The following TUSC3 variants were observed in gnomAD, a reference collection of about 807,000 sequenced individuals.
TUSC3 encodes the protein dolichyl-diphosphooligosaccharide--protein glycosyltransferase subunit TUSC3.
In TUSC3, 45 loss-of-function variants were observed where a neutral mutation model predicts 44.8. The observed-to-expected ratio is 1.00, with a 90% CI of 0.79 to 1.29. TUSC3 has a LOEUF of 1.29. Ranked by LOEUF, TUSC3 falls within the 50% of genes most tolerant of loss-of-function variation. The probability of loss-of-function intolerance (pLI) is 0.00; values close to 1 mark genes in which losing one functional copy is unlikely to be tolerated. For synonymous variants in TUSC3, 212 were observed against 152.9 expected (o/e 1.39, Z -2.85); for missense variants, 519 against 437.9 (o/e 1.19, Z -1.65).
intron 6 of TUSC3, among the ~76,000 whole-genome samples, chr8:15,715,828 T>C (rs1248223489): frequency 1.3e-5 from 2 of 152,304 alleles, no homozygotes; most frequent in East Asian, 3.9e-4. Flanking sequence ...TTCTCATTTG[T>C]TTTTCCTAAG....
chr8:15,424,860 C>T (rs1227626113), intron 1 of TUSC3, among the ~76,000 whole-genome samples: 1 of 147,874 alleles, frequency 6.8e-6, no homozygotes, highest in East Asian at 2.0e-4. Flanking sequence ...GCCTGGGTGA[C>T]AGAGCGAGAC....
chr8:15,807,680 C>T, the TUSC3 span, among the ~76,000 whole-genome samples: 1 of 152,272 alleles, frequency 6.6e-6, no homozygotes, highest in Non-Finnish European at 1.5e-5. Context: ...CTACTAAACA[C>T]CATACAAAAG....
downstream of TUSC3, among the ~76,000 whole-genome samples, chr8:15,769,724 T>G (rs1047746438): frequency 3.3e-5 from 5 of 150,624 alleles, no homozygotes; most frequent in African/African-American, 1.2e-4. Flanking sequence ...GAACTGAAAT[T>G]TATAAGAGAA....
At chr8:15,809,342 G>A in the TUSC3 span, among the ~76,000 whole-genome samples, 2 of 152,130 alleles carry the variant, frequency 1.3e-5, no homozygotes, top group East Asian at 3.8e-4. Context: ...CTACATGATT[G>A]CTGTTTTTGT....
In TUSC3 at chr8:15,587,627, A is replaced by C. The variant is rs763735760; in HGVS notation, c.139-35453A>C. Among the ~76,000 whole-genome samples, 63 of 152,016 alleles carry C rather than the reference A, an allele frequency of 4.1e-4. 1 individual carries two copies. The highest frequency in any genetic ancestry group is 2.1e-3 in the Admixed American group (32 of 15,250). On this transcript the variant is annotated intron_variant, in intron 1 of 10. Transcript: ENST00000503731. ...GAACATATACAGTAATTTATTGTTAACTGTATTTACCTTACAGTGCTATAG... is the reference window on the plus strand; with the variant it reads ...GAACATATACAGTAATTTATTGTTACCTGTATTTACCTTACAGTGCTATAG...
intron 7 of TUSC3, among the ~76,000 whole-genome samples, chr8:15,731,055 A>G (rs541493994): frequency 1.3e-5 from 2 of 152,168 alleles, no homozygotes; most frequent in South Asian, 4.1e-4. Flanking sequence ...GCAAGAAAAA[A>G]GTGCCTTATG....
At chr8:15,498,645 C>T (rs1421556348) in intron 2 of TUSC3, among the ~76,000 whole-genome samples, 1 of 152,120 alleles carries the variant, frequency 6.6e-6, no homozygotes, top group Non-Finnish European at 1.5e-5. Flanking sequence ...TAGATTTTCC[C>T]CTCTTCTGCC....
intron 7 of TUSC3, chr8:15,733,555 G>C (rs570189832): frequency 4.5e-6 from 1 of 224,618 alleles, no homozygotes; most frequent in Non-Finnish European, 9.1e-6. Flanking sequence ...CTGAGATTTA[G>C]GATTCAAATA....
intron 1 of TUSC3, among the ~76,000 whole-genome samples, chr8:15,472,270 T>A (rs993164497): frequency 1.3e-5 from 2 of 152,184 alleles, no homozygotes; most frequent in Non-Finnish European, 2.9e-5. Context: ...CTCAAATAAT[T>A]TCTGTAATTT....
the TUSC3 span, among the ~76,000 whole-genome samples, chr8:15,832,815 C>T: frequency 6.6e-6 from 1 of 152,240 alleles, no homozygotes; most frequent in East Asian, 1.9e-4. Flanking sequence ...GAGACTTTTA[C>T]TCCCACACAA....
intron 1 of TUSC3, among the ~76,000 whole-genome samples, chr8:15,581,071 T>C (rs1803307470): frequency 7.7e-6 from 1 of 130,540 alleles, no homozygotes; most frequent in South Asian, 2.8e-4. Flanking sequence ...ATTCATTTCA[T>C]CTTCCATCGC....
At chr8:15,728,412 AAGT>A (rs1402663028) in intron 6 of TUSC3, among the ~76,000 whole-genome samples, 1 of 143,704 alleles carries the variant, frequency 7.0e-6, no homozygotes, top group Non-Finnish European at 1.5e-5. Context: ...TGGATTTTGA[AAGT>A]AGAGCCAACA....
intron 1 of TUSC3, among the ~76,000 whole-genome samples, chr8:15,552,175 T>A (rs1802081961): frequency 6.6e-6 from 1 of 151,806 alleles, no homozygotes; most frequent in Non-Finnish European, 1.5e-5. Context: ...CTATTATTGA[T>A]GTAAGCAATA....
intron 7 of TUSC3, among the ~76,000 whole-genome samples, chr8:15,735,625 A>G (rs1338033207): frequency 1.3e-5 from 2 of 152,232 alleles, no homozygotes; most frequent in East Asian, 1.9e-4. Context: ...ACCAAATTAT[A>G]TATTGTGTTT....
At chr8:15,423,340 G>T (rs1289202669) in intron 1 of TUSC3, among the ~76,000 whole-genome samples, 5 of 152,096 alleles carry the variant, frequency 3.3e-5, no homozygotes, top group African/African-American at 1.2e-4. Context: ...TTTAAAGTGA[G>T]TTGGACTATG....
At chr8:15,850,805 T>A in the TUSC3 span, among the ~76,000 whole-genome samples, 4 of 152,208 alleles carry the variant, frequency 2.6e-5, no homozygotes, top group African/African-American at 9.6e-5. Flanking sequence ...CTATATATTG[T>A]GAACAACATA....
At chr8:15,566,690 G>A (rs548753508) in intron 1 of TUSC3, among the ~76,000 whole-genome samples, 30 of 151,676 alleles carry the variant, frequency 2.0e-4, no homozygotes, top group African/African-American at 7.3e-4. Flanking sequence ...CACAATCACA[G>A]CTCACGACAG....
chr8:15,455,817 C>A (rs1800249828), intron 1 of TUSC3, among the ~76,000 whole-genome samples: 1 of 152,176 alleles, frequency 6.6e-6, no homozygotes, highest in African/African-American at 2.4e-5. Flanking sequence ...AGCCCTTCCC[C>A]AAAACTCAGC....
intron 6 of TUSC3, among the ~76,000 whole-genome samples, chr8:15,684,551 T>C (rs988327241): frequency 6.6e-6 from 1 of 152,134 alleles, no homozygotes; most frequent in South Asian, 2.1e-4. Flanking sequence ...TTCTAGGCAT[T>C]TGATGCCTTG....
Sources: gnomAD v4.1 joint callset for allele counts (sites outside exome capture counted in the v4.1 genomes callset) on GRCh38, gnomAD v4.1.1 for gene constraint, MANE v1.5 for transcripts, NCBI Gene and HGNC (gene_info 2026-07-23, HGNC 2026-07-21) for gene names.